The following PLA1A variants were observed in gnomAD, a reference collection of about 807,000 sequenced individuals.
PLA1A encodes the protein phospholipase A1 member A.
A neutral mutation model predicts 49.4 loss-of-function variants in PLA1A; 47 were observed. The observed-to-expected ratio is 0.95, with a 90% CI of 0.75 to 1.21. The LOEUF is 1.21. PLA1A is among the 50% of genes most tolerant of loss of function. The pLI is 0.00. For synonymous variants in PLA1A, 224 were observed against 207.9 expected, an observed-to-expected ratio of 1.08 and a Z score of -0.67; for missense variants, 561 against 563.9, an observed-to-expected ratio of 0.99 and a Z score of 0.05.
intron 8 of PLA1A, among the ~76,000 whole-genome samples, chr3:119,623,201 G>A (rs960842499): frequency 1.3e-5 from 2 of 151,984 alleles, no homozygotes; most frequent in African/African-American, 4.8e-5. Context: ...GAGTGTGGTG[G>A]CACAGTCACG....
chr3:119,598,321 C>T (rs2082569153), intron 1 of PLA1A, among the ~76,000 whole-genome samples: 1 of 152,136 alleles, frequency 6.6e-6, no homozygotes, highest in South Asian at 2.1e-4. Flanking sequence ...TAAATATCCA[C>T]CATTCCAAGA....
At chr3:119,603,095 A>G (rs1230054708) in intron 1 of PLA1A, among the ~76,000 whole-genome samples, 1 of 152,212 alleles carries the variant, frequency 6.6e-6, no homozygotes, top group African/African-American at 2.4e-5. Context: ...CTTACAGTCC[A>G]TTGTTAGGAC....
Position 119,613,049 on chromosome 3 carries a change from G to A in PLA1A, c.595G>A (p.Ala199Thr). The A allele has an allele frequency of 6.2e-7, 1 of 1,606,906 alleles. No homozygotes were observed. The highest frequency in any genetic ancestry group is 8.5e-7 in the Non-Finnish European group (1 of 1,176,296). The part of the protein sequence containing the change: ...LDPAGPEYTR[A>T]SVEERLDAGD... ...CCCCGCTGGACCTGAGTACACCAGG[G>A]CCAGTGTGGAAGAGCGCTTGGATGC... is the stretch of plus-strand genomic sequence containing the variant. Residue 199 changes from alanine to threonine, a missense_variant, in exon 5 of 11, where the codon GCC becomes ACC. Ala to Thr is a moderately conservative substitution (Grantham distance 58). Coordinates refer to ENST00000273371, the MANE Select transcript of PLA1A (RefSeq NM_015900.4).
chr3:119,625,246 C>T lies in PLA1A; in HGVS notation c.1121+14C>T. ...TAAGATCACCATGTACGTAAGTGTC[C>T]CACCTGGTTGACTCCTCCCCTTAGG... On this transcript the variant is annotated intron_variant, in intron 9 of 10. Coordinates refer to ENST00000273371, the MANE Select transcript of PLA1A (RefSeq NM_015900.4). 6.6e-7 allele frequency: 1 copy of T among 1,525,982 alleles called. No individual in the cohort carries two copies. Among genetic ancestry groups the T allele is most frequent in the Non-Finnish European group, 9.1e-7 (1 of 1,099,882 alleles). 94.5% of individuals were successfully genotyped at this position (1,525,982 alleles called of 1,614,324 possible).
chr3:119,625,070 G>C, intron 8 of PLA1A, 54 bp from the exon 9 acceptor site: 1 of 1,095,696 alleles, frequency 9.1e-7, no homozygotes, highest in Non-Finnish European at 1.4e-6. Flanking sequence ...TGGGGTTTTT[G>C]CCCATTGCAC....
intron 4 of PLA1A, among the ~76,000 whole-genome samples, chr3:119,610,955 T>C (rs1423014367): frequency 6.6e-6 from 1 of 152,248 alleles, no homozygotes; most frequent in Admixed American, 6.5e-5. Context: ...GTCTTACATT[T>C]AAGTCTTTAG....
chr3:119,613,204 A>ATCTCTGCCCAGG, intron 5 of PLA1A, 86 bp downstream of exon 5: 1 of 829,100 alleles, frequency 1.2e-6, no homozygotes, highest in Non-Finnish European at 2.0e-6. Context: ...GGCCCTGGGC[A>ATCTCTGCCCAGG]GAGATGCCCT....
intron 9 of PLA1A, among the ~76,000 whole-genome samples, chr3:119,627,922 C>A (rs2052565862): frequency 6.6e-6 from 1 of 152,164 alleles, no homozygotes; most frequent in African/African-American, 2.4e-5. Flanking sequence ...TTGGAAGCAC[C>A]CTGCTAGGTT....
intron 2 of PLA1A, chr3:119,607,201 C>T (rs1340549768): frequency 1.8e-6 from 1 of 552,564 alleles, no homozygotes; most frequent in African/African-American, 1.9e-5. Context: ...TGTCTACACA[C>T]TCACGAACAG....
chr3:119,616,766 T>C (rs1485655806), intron 6 of PLA1A, among the ~76,000 whole-genome samples: 2 of 152,258 alleles, frequency 1.3e-5, no homozygotes, highest in Non-Finnish European at 2.9e-5. Context: ...ATTTACTAGT[T>C]TTCCAAAAAC....
intron 1 of PLA1A, among the ~76,000 whole-genome samples, chr3:119,605,953 A>T (rs1482656533): frequency 6.6e-6 from 1 of 152,204 alleles, no homozygotes; most frequent in Non-Finnish European, 1.5e-5. Flanking sequence ...AGGCTATGGC[A>T]GGGCTCTTGA....
chr3:119,608,849 G>C lies in PLA1A; in HGVS notation c.355G>C (p.Val119Leu), dbSNP rs746760433. ...LRATNANVIA[V>L]DWIYGSTGVY... ...TGCAACGAATGCTAATGTGATTGCC[G>C]TGGACTGGATTTATGGGTCTACAGG... Residue 119 changes from valine to leucine, a missense_variant, in exon 3 of 11, where the codon GTG becomes CTG. By Grantham distance (32) the Val-to-Leu change is conservative. Coordinates refer to ENST00000273371, the MANE Select transcript of PLA1A (RefSeq NM_015900.4). 6 of 1,613,240 alleles carry C rather than the reference G, an allele frequency of 3.7e-6. No homozygotes were observed. The highest frequency in any genetic ancestry group is 5.1e-6 in the Non-Finnish European group (6 of 1,179,184).
intron 8 of PLA1A, among the ~76,000 whole-genome samples, chr3:119,624,712 ACT>A (rs1475538355): frequency 6.6e-6 from 1 of 151,310 alleles, no homozygotes; most frequent in African/African-American, 2.4e-5. Context: ...CTCACTGCAA[ACT>A]CTGCCTCCTG....
intron 3 of PLA1A, 137 bp from the exon 4 acceptor site, chr3:119,609,331 C>T (rs1168403871): frequency 1.7e-5 from 13 of 757,036 alleles, no homozygotes; most frequent in Non-Finnish European, 2.9e-5. Context: ...GAGTGCTGTC[C>T]TTTTTCCCTC....
At chr3:119,618,254 C>A in intron 7 of PLA1A, 68 bp downstream of exon 7, 1 of 1,307,162 alleles carries the variant, frequency 7.7e-7, no homozygotes, top group Non-Finnish European at 1.1e-6. Flanking sequence ...GTTGTCCCCT[C>A]TTAATGTCCT....
intron 1 of PLA1A, among the ~76,000 whole-genome samples, chr3:119,606,292 C>T (rs2107779246): frequency 6.6e-6 from 1 of 152,320 alleles, no homozygotes; most frequent in East Asian, 1.9e-4. Context: ...GCCACTGTCT[C>T]CCTATGTCTT....
At position 119,615,992 on chromosome 3, in the gene PLA1A, G is replaced by GAT; in HGVS notation, c.665-20_665-19insAT. 10 of 1,537,684 alleles carry GAT rather than the reference G, an allele frequency of 6.5e-6. No individual in the cohort carries two copies. The highest frequency in any genetic ancestry group is 9.0e-6 in the Non-Finnish European group (10 of 1,110,764). On this transcript the variant is annotated intron_variant, in intron 5 of 10. Coordinates refer to ENST00000273371, the MANE Select transcript of PLA1A (RefSeq NM_015900.4). ...GACCCCCTGAAGTAAGGAAGTTAAT[G>GAT]GAGTTGTGCCTCCTTTCAGATTTGG...
intron 8 of PLA1A, among the ~76,000 whole-genome samples, chr3:119,622,153 GAA>G (rs1560086890): frequency 4.7e-4 from 15 of 32,040 alleles, no homozygotes; most frequent in South Asian, 1.9e-3. Context: ...GGAGGAGGAA[GAA>G]GAAGAAGAAG....
intron 8 of PLA1A, among the ~76,000 whole-genome samples, chr3:119,621,242 C>A (rs1224140308): frequency 6.6e-6 from 1 of 152,190 alleles, no homozygotes; most frequent in Non-Finnish European, 1.5e-5. Context: ...AAGGTCCCTG[C>A]TGAGGGGGTT....
Sources: gnomAD v4.1 joint callset for allele counts (sites outside exome capture counted in the v4.1 genomes callset) on GRCh38, gnomAD v4.1.1 for gene constraint, MANE v1.5 for transcripts, NCBI Gene and HGNC (gene_info 2026-07-23, HGNC 2026-07-21) for gene names.